C1orf94: variants seen among roughly 807,000 people sequenced by gnomAD.
The protein encoded by C1orf94 is chromosome 1 open reading frame 94, also known as uncharacterized protein C1orf94.
A neutral mutation model predicts 53.6 loss-of-function variants in C1orf94; 45 were observed. The observed-to-expected ratio is 0.84, with a 90% confidence interval of 0.66 to 1.08. The LOEUF (loss-of-function observed/expected upper bound fraction) is 1.08. C1orf94 is among the 50% of genes least tolerant of loss of function. C1orf94 has a pLI of 0.00. For missense variants in C1orf94, 762 were observed against 738.9 expected (o/e 1.03, Z -0.36); for synonymous variants, 304 against 296.1 (o/e 1.03, Z -0.27).
chr1:34,176,523 G>A (rs1359274543), upstream of C1orf94, among the ~76,000 whole-genome samples: 2 of 152,128 alleles, frequency 1.3e-5, no homozygotes, highest in Non-Finnish European at 2.9e-5. Flanking sequence ...TCAAGGGCTA[G>A]ATCAGGCCTA....
chr1:34,219,024 T>TTAG lies in C1orf94; in HGVS notation c.*264_*266dup, dbSNP rs1643040283. ...TGCTCAACCACTTATGCATCTATAT[T>TTAG]TAGCTAACATGAGTGATTTTTGTTT... On this transcript the variant is annotated 3_prime_UTR_variant, in exon 7 of 7. Transcript: ENST00000488417. The TTAG allele has an allele frequency of 3.4e-6, 1 of 292,388 alleles. No homozygotes were observed. The highest frequency in any genetic ancestry group is 6.3e-6 in the Non-Finnish European group (1 of 159,508). The allele number at this position is 292,388 out of a possible 1,614,324, so 18.1% of individuals were successfully genotyped here.
intron 2 of C1orf94, among the ~76,000 whole-genome samples, chr1:34,200,238 A>T (rs1642677200): frequency 6.6e-6 from 1 of 152,202 alleles, no homozygotes; most frequent in Non-Finnish European, 1.5e-5. Context: ...TGACTCCTTC[A>T]CTAAGCCATG....
chr1:34,216,866 G>T (rs1454910520), intron 6 of C1orf94, among the ~76,000 whole-genome samples: 1 of 152,162 alleles, frequency 6.6e-6, no homozygotes, highest in Non-Finnish European at 1.5e-5. Context: ...ATCACCTGAG[G>T]TCAGGAGTTT....
At chr1:34,168,718 T>C (rs1007277265) in intron 1 of C1orf94, among the ~76,000 whole-genome samples, 1 of 152,238 alleles carries the variant, frequency 6.6e-6, no homozygotes, top group African/African-American at 2.4e-5. Context: ...TCCTCACATG[T>C]GTTCCCATGG....
chr1:34,206,352 G>A (rs1172382167), intron 4 of C1orf94, among the ~76,000 whole-genome samples: 1 of 152,162 alleles, frequency 6.6e-6, no homozygotes, highest in South Asian at 2.1e-4. Flanking sequence ...AGAGGCAGAG[G>A]GAAGATGAAA....
rs1325742145 is a variant in C1orf94, at chr1:34,202,368, T to A, written c.1446+109T>A. The A allele has an allele frequency of 2.4e-6, 3 of 1,225,320 alleles. No homozygotes were observed. In the African/African-American group the frequency reaches 4.5e-5, roughly 19 times the overall value. The allele number at this position is 1,225,320 out of a possible 1,614,324, so 75.9% of individuals were successfully genotyped here. ...CACAGAGTCTTTAGACTCCTCTGAA[T>A]CCCTTCCCTACATGCAAGAGGCTTC... On this transcript the variant is annotated intron_variant, in intron 4 of 6. Transcript: ENST00000488417.
chr1:34,204,719 C>G (rs964816705), intron 4 of C1orf94, among the ~76,000 whole-genome samples: 1 of 152,130 alleles, frequency 6.6e-6, no homozygotes, highest in Non-Finnish European at 1.5e-5. Context: ...GAGCATTGTT[C>G]TAGGTGGAGG....
In C1orf94 at chr1:34,171,265, C is replaced by G. The variant is rs369314959; in HGVS notation, c.-251+4094C>G. ...GAGCCATGCTTTCTCTCCCCTTTCC[C>G]CTGGATCCTTCTGTGTTTTGTTCTC... is the stretch of plus-strand genomic sequence containing the variant. On this transcript the variant is annotated intron_variant, in intron 1 of 6. Coordinates refer to the C1orf94 transcript ENST00000373374. Among the ~76,000 whole-genome samples, 3 of 152,198 alleles carry G rather than the reference C, an allele frequency of 2.0e-5. No homozygotes were observed. The East Asian group carries it at 5.8e-4, about 29-fold the overall frequency.
At chr1:34,199,055 G>T (rs1642650192) in intron 2 of C1orf94, among the ~76,000 whole-genome samples, 1 of 147,150 alleles carries the variant, frequency 6.8e-6, no homozygotes, top group Non-Finnish European at 1.5e-5. Flanking sequence ...GAGCAAAAGT[G>T]TGCCAAAAGG....
chr1:34,197,337 G>T lies in C1orf94; in HGVS notation c.433G>T (p.Glu145Ter). The change falls in exon 2 of 7, where the codon GAG becomes TAG. Residue 145 changes from glutamate (E) to a stop codon, truncating the protein, a stop_gained. Transcript: ENST00000488417. LOFTEE classifies it high-confidence loss of function. This position sits in a 1 kb window ranked among gnomAD's most constrained non-coding sequence, Gnocchi z 4.1. ...ILVEESSGEL[E>*]VPGSSPEGTR... is the part of the protein sequence containing the mutation. ...GGTCGAAGAGAGTTCTGGGGAGCTG[G>T]AGGTACCCGGCAGCTCTCCCGAGGG... 2 of 1,588,412 alleles carry T rather than the reference G, an allele frequency of 1.3e-6. No individual in the cohort carries two copies. Among genetic ancestry groups the T allele is most frequent in the East Asian group, 2.3e-5 (1 of 43,076 alleles).
chr1:34,171,165 C>A (rs1355016218), intron 1 of C1orf94, among the ~76,000 whole-genome samples: 1 of 152,174 alleles, frequency 6.6e-6, no homozygotes, highest in African/African-American at 2.4e-5. Context: ...CCCTGCCAGC[C>A]CCTCTAGCCT....
intron 1 of C1orf94, among the ~76,000 whole-genome samples, chr1:34,183,852 G>A (rs1344664072): frequency 2.0e-5 from 3 of 146,802 alleles, no homozygotes; most frequent in Non-Finnish European, 4.5e-5. Flanking sequence ...GCAAAACTCC[G>A]TCTCAAAAAA....
At chr1:34,198,065 G>A in intron 2 of C1orf94, 152 bp downstream of exon 2, 3 of 888,024 alleles carry the variant, frequency 3.4e-6, no homozygotes, top group East Asian at 2.7e-5. Context: ...GGGACGGGCT[G>A]TTTCCAGCCC....
chr1:34,181,366 A>G (rs1287865736), intron 1 of C1orf94, among the ~76,000 whole-genome samples: 1 of 152,210 alleles, frequency 6.6e-6, no homozygotes. Context: ...GATCCAATCC[A>G]TGCAGATTTG....
intron 4 of C1orf94, among the ~76,000 whole-genome samples, chr1:34,206,266 G>A (rs1207409589): frequency 6.6e-6 from 1 of 152,238 alleles, no homozygotes; most frequent in East Asian, 1.9e-4. Context: ...GCTCCTGTGA[G>A]GGGTGGATGG....
chr1:34,218,573 C>T, intron 6 of C1orf94, 113 bp from the exon 7 acceptor site: 1 of 751,956 alleles, frequency 1.3e-6, no homozygotes, highest in Non-Finnish European at 2.0e-6. Context: ...CCCTCCAAGC[C>T]TGTCATGGTC....
intron 6 of C1orf94, among the ~76,000 whole-genome samples, chr1:34,214,889 A>G (rs1265881471): frequency 6.6e-6 from 1 of 152,190 alleles, no homozygotes; most frequent in Non-Finnish European, 1.5e-5. Context: ...ATGAGGTCGG[A>G]AAAATAATGT....
chr1:34,173,490 A>T (rs1642177760), upstream of C1orf94, among the ~76,000 whole-genome samples: 1 of 152,194 alleles, frequency 6.6e-6, no homozygotes, highest in Non-Finnish European at 1.5e-5. Context: ...AGATGAGAAG[A>T]GGCTTTGACT....
Position 34,178,019 on chromosome 1 carries a change from C to CTGAG in C1orf94, c.231_234dup (p.Ala79Ter). On this transcript the variant is annotated frameshift_variant, in exon 1 of 7. Coordinates refer to ENST00000488417, the MANE Select transcript of C1orf94 (RefSeq NM_001134734.2). LOFTEE classifies it high-confidence loss of function. ...ATCTGGAAGAGAGTTCAAGGCCTGC[C>CTGAG]TGAGGCCTCACAGCCCTGGACCTCC... The CTGAG allele has an allele frequency of 6.4e-7, 1 of 1,551,746 alleles. No individual in the cohort carries two copies.
Sources: gnomAD v4.1 joint callset for allele counts (sites outside exome capture counted in the v4.1 genomes callset) on GRCh38, gnomAD v4.1.1 for gene constraint, Gnocchi (gnomAD v3.1) non-coding constraint, MANE v1.5 for transcripts, NCBI Gene and HGNC (gene_info 2026-07-23, HGNC 2026-07-21) for gene names.